The following MALRD1 variants were observed in gnomAD, a reference collection of about 807,000 sequenced individuals.
MALRD1 encodes the protein MAM and LDL-receptor class A domain-containing protein 1.
MALRD1 carries 247 observed loss-of-function variants against 242.1 expected under a neutral mutation model. The ratio of observed to expected loss-of-function variants is 1.02; its 90% confidence interval spans 0.92 to 1.13. The LOEUF (loss-of-function observed/expected upper bound fraction) is 1.13. MALRD1 is among the 50% of genes most tolerant of loss of function. The probability of loss-of-function intolerance (pLI) is 0.00; values close to 1 mark genes in which losing one functional copy is unlikely to be tolerated. For missense variants in MALRD1, 2,989 were observed against 2,533.1 expected (o/e 1.18, Z -3.86); for synonymous variants, 995 against 866.6 (o/e 1.15, Z -2.60).
At chr10:19,421,696 G>A (rs1833724610) in intron 28 of MALRD1, among the ~76,000 whole-genome samples, 1 of 152,114 alleles carries the variant, frequency 6.6e-6, no homozygotes, top group Non-Finnish European at 1.5e-5. Context: ...CATCATTTGT[G>A]TTTTTCCCAC....
intron 31 of MALRD1, among the ~76,000 whole-genome samples, chr10:19,501,046 G>C (rs1001009748): frequency 6.6e-6 from 1 of 152,174 alleles, no homozygotes; most frequent in Non-Finnish European, 1.5e-5. Context: ...CCAGTAGATA[G>C]GTATGTGCCT....
intron 24 of MALRD1, among the ~76,000 whole-genome samples, chr10:19,347,256 A>G (rs1380395090): frequency 6.6e-6 from 1 of 152,172 alleles, no homozygotes; most frequent in Non-Finnish European, 1.5e-5. Context: ...AATTTCTGCA[A>G]CTTATTTCAA....
chr10:19,403,658 GC>G, intron 28 of MALRD1, among the ~76,000 whole-genome samples: 1 of 152,144 alleles, frequency 6.6e-6, no homozygotes, highest in East Asian at 1.9e-4. Flanking sequence ...GCATTCATGA[GC>G]CCTAAGGATT....
intron 18 of MALRD1, among the ~76,000 whole-genome samples, chr10:19,216,952 A>T (rs1279994542): frequency 1.7e-5 from 2 of 114,586 alleles, no homozygotes; most frequent in African/African-American, 3.0e-5. Context: ...TCTCAAAAAA[A>T]AAAAAATAAA....
chr10:19,051,518 G>T, intron 1 of MALRD1: 1 of 193,300 alleles, frequency 5.2e-6, no homozygotes, highest in South Asian at 1.1e-4. Flanking sequence ...GGAAAAACTT[G>T]AAGGCCAGAA....
chr10:19,508,068 G>C (rs898681327), intron 31 of MALRD1, among the ~76,000 whole-genome samples: 10 of 143,824 alleles, frequency 7.0e-5, no homozygotes, highest in African/African-American at 2.6e-4. Flanking sequence ...ATAGTGTGTT[G>C]TTGTTGATAA....
chr10:19,280,122 A>C lies in MALRD1; in HGVS notation c.3155A>C (p.Asp1052Ala), dbSNP rs774023136. 90 of 1,546,414 alleles carry C rather than the reference A, an allele frequency of 5.8e-5. No individual in the cohort carries two copies. The highest frequency in any genetic ancestry group is 7.8e-5 in the Non-Finnish European group (89 of 1,145,562). ...ACATTACCTCCACACAACTGCACAG[A>C]CAATGAATTTATCTGCAGGTCTGAT... is the stretch of plus-strand genomic sequence containing the variant. Reference protein sequence around the residue: ...PVTLPPHNCTDNEFICRSDGH... With the variant: ...PVTLPPHNCTANEFICRSDGH... The change falls in exon 20 of 40, where the codon GAC becomes GCC. Residue 1052 changes from aspartate to alanine, a missense_variant. Physicochemically the swap from Asp to Ala is moderately radical, Grantham distance 126. Coordinates refer to ENST00000454679, the MANE Select transcript of MALRD1 (RefSeq NM_001142308.3).
At chr10:19,669,158 C>A (rs1265960423) in intron 36 of MALRD1, among the ~76,000 whole-genome samples, 2 of 152,134 alleles carry the variant, frequency 1.3e-5, no homozygotes, top group African/African-American at 4.8e-5. Context: ...ATAGAGTTAT[C>A]TAGAAGCTGG....
At position 19,049,107 on chromosome 10, in the gene MALRD1, C is replaced by T; in HGVS notation, c.169C>T (p.Gln57Ter). The T allele has an allele frequency of 1.6e-6, 2 of 1,233,860 alleles. No individual in the cohort carries two copies. The highest frequency in any genetic ancestry group is 1.5e-5 in the African/African-American group (1 of 64,594). The allele number at this position is 1,233,860 out of a possible 1,614,324, so 76.4% of individuals were successfully genotyped here. ...TGACAGCATTTGTGACTTCACAGAT[C>T]AGTGTGGGGATAGCAGTGATGAACG... ...PPDSICDFTD[Q>*]CGDSSDERHC... is the part of the protein sequence containing the mutation. The change falls in exon 1 of 40, where the codon CAG becomes TAG. Residue 57 changes from glutamine to a stop codon, truncating the protein, a stop_gained. Transcript: ENST00000454679. LOFTEE classifies it high-confidence loss of function.
chr10:19,729,283 G>C (rs372965897), intron 38 of MALRD1, among the ~76,000 whole-genome samples: 2 of 152,176 alleles, frequency 1.3e-5, no homozygotes, highest in Non-Finnish European at 1.5e-5. Flanking sequence ...TTTGTTTTCA[G>C]AAATCAAATC....
At chr10:19,493,671 G>A (rs893722887) in intron 30 of MALRD1, among the ~76,000 whole-genome samples, 7 of 148,176 alleles carry the variant, frequency 4.7e-5, no homozygotes, top group Admixed American at 4.7e-4. Context: ...AAAATTAGCC[G>A]TTCCTGGTGG....
chr10:19,697,941 C>A (rs1833452941), intron 38 of MALRD1, among the ~76,000 whole-genome samples: 1 of 152,030 alleles, frequency 6.6e-6, no homozygotes, highest in African/African-American at 2.4e-5. Context: ...GCCTCTCCAT[C>A]CACTTTTCTT....
At chr10:19,398,028 A>C (rs1846666351) in intron 28 of MALRD1, among the ~76,000 whole-genome samples, 1 of 151,482 alleles carries the variant, frequency 6.6e-6, no homozygotes, top group South Asian at 2.1e-4. Flanking sequence ...TTGACTATTG[A>C]ATTTTTTGAG....
At chr10:19,529,717 G>A (rs1834264935) in intron 31 of MALRD1, among the ~76,000 whole-genome samples, 1 of 151,918 alleles carries the variant, frequency 6.6e-6, no homozygotes. Context: ...ACTATATATT[G>A]TCAGTAAGAA....
intron 28 of MALRD1, among the ~76,000 whole-genome samples, chr10:19,412,868 GTAATGTTAAGT>G (rs1217847494): frequency 2.0e-5 from 3 of 152,120 alleles, no homozygotes; most frequent in Non-Finnish European, 2.9e-5. Flanking sequence ...TTCTCTCATA[GTAATGTTAAGT>G]GTAGACATTT....
At chr10:19,567,046 A>T (rs944332851) in intron 32 of MALRD1, among the ~76,000 whole-genome samples, 2 of 152,178 alleles carry the variant, frequency 1.3e-5, no homozygotes, top group African/African-American at 4.8e-5. Context: ...TTCTGTCTTC[A>T]AAATGTTAAA....
At chr10:19,480,043 G>T (rs1044497770) in intron 29 of MALRD1, among the ~76,000 whole-genome samples, 1 of 152,170 alleles carries the variant, frequency 6.6e-6, no homozygotes, top group African/African-American at 2.4e-5. Context: ...CTATAGAAAC[G>T]TGACCACAGG....
chr10:19,603,250 A>G (rs916424906), intron 34 of MALRD1, among the ~76,000 whole-genome samples: 28 of 152,266 alleles, frequency 1.8e-4, no homozygotes, highest in Admixed American at 3.9e-4. Context: ...TTGGTGTTTT[A>G]GACATGAAGT....
At chr10:19,200,610 A>G (rs1332075462) in intron 14 of MALRD1, among the ~76,000 whole-genome samples, 1 of 114,954 alleles carries the variant, frequency 8.7e-6, no homozygotes, top group African/African-American at 3.3e-5. Context: ...AAAGAATCTG[A>G]TTCTGGGCTT....
Sources: allele counts gnomAD v4.1 joint callset (sites outside exome capture counted in the v4.1 genomes callset), GRCh38; gene constraint gnomAD v4.1.1; transcripts MANE v1.5; gene names NCBI Gene and HGNC (gene_info 2026-07-23, HGNC 2026-07-21).